SGTA: variants seen among roughly 807,000 people sequenced by gnomAD.
SGTA encodes the protein small glutamine-rich tetratricopeptide repeat-containing protein alpha.
In SGTA, 22 loss-of-function variants were observed where a neutral mutation model predicts 44.3. The observed-to-expected ratio is 0.50, with a 90% CI of 0.36 to 0.71. The LOEUF is 0.71. Among genes scored for constraint, SGTA ranks in the 30% least tolerant of loss-of-function variants. SGTA has a pLI of 0.00. For synonymous variants in SGTA, 174 were observed against 177.6 expected (o/e 0.98, Z 0.16); for missense variants, 341 against 435.9 (o/e 0.78, Z 1.94).
intron 1 of SGTA, among the ~76,000 whole-genome samples, 200 bp from the exon 2 acceptor site, chr19:2,769,291 A>G (rs1471245339): frequency 2.6e-5 from 4 of 152,192 alleles, no homozygotes; most frequent in Non-Finnish European, 4.4e-5. Context: ...CCGGCTATGC[A>G]CACAGCCAGA....
chr19:2,757,457 C>T lies in SGTA; in HGVS notation c.828G>A (p.Ala276=). The T allele has an allele frequency of 6.2e-7, 1 of 1,607,388 alleles. No individual in the cohort carries two copies. The highest frequency in any genetic ancestry group is 8.5e-7 in the Non-Finnish European group (1 of 1,179,848). Reference sequence around the variant, plus strand: ...GCATCTGCTGGGCAAACTGCTGGCCCCTGCGGGGAAGGGCACATGGGGCTC... The same window carrying T: ...GCATCTGCTGGGCAAACTGCTGGCCTCTGCGGGGAAGGGCACATGGGGCTC... ...SQNDLASLIQ[A]GQQFAQQMQQ... The change falls in exon 11 of 12, where the codon GCG becomes GCA. Residue 276 remains alanine (A), a splice_region_variant and synonymous_variant. Coordinates refer to ENST00000221566, the MANE Select transcript of SGTA (RefSeq NM_003021.4).
At chr19:2,757,883 A>C in intron 9 of SGTA, 101 bp from the exon 10 acceptor site, 1 of 743,714 alleles carries the variant, frequency 1.3e-6, no homozygotes, top group Non-Finnish European at 2.1e-6. Context: ...TCAGCCCTTC[A>C]CCTTCCCCTG....
chr19:2,761,389 G>C lies in SGTA; in HGVS notation c.699+71C>G. On this transcript the variant is annotated intron_variant, in intron 8 of 11. Transcript: ENST00000221566. This position sits in a 1 kb window ranked among gnomAD's most constrained non-coding sequence, Gnocchi z 5.7. The stretch of plus-strand genomic sequence containing the variant: ...CAAGGCAAGGAAGCCCTGGCCAGTA[G>C]CGGACACAGCAGATGCGGGCCTGGG... 1 of 1,341,882 alleles carries C rather than the reference G, an allele frequency of 7.5e-7. No homozygotes were observed. Among genetic ancestry groups the C allele is most frequent in the Admixed American group, 2.0e-5 (1 of 50,702 alleles). The allele number at this position is 1,341,882 out of a possible 1,614,324, so 83.1% of individuals were successfully genotyped here. A position where few individuals can be genotyped will look rare whatever the true frequency, so the allele number is the denominator to read the frequency against.
chr19:2,761,558 G>A lies in SGTA; in HGVS notation c.637-36C>T. 4.0e-6 allele frequency: 6 copies of A among 1,517,828 alleles called. No individual in the cohort carries two copies. Among genetic ancestry groups the A allele is most frequent in the Non-Finnish European group, 5.4e-6 (6 of 1,116,680 alleles). 94.0% of individuals were successfully genotyped at this position (1,517,828 alleles called of 1,614,324 possible). Reference sequence around the variant, plus strand: ...GAACAGCCCTGGTTAGTGGGGCCTGGACCAGAGGCCACGGTGAATAACCCC... The same window carrying A: ...GAACAGCCCTGGTTAGTGGGGCCTGAACCAGAGGCCACGGTGAATAACCCC... On this transcript the variant is annotated intron_variant, in intron 7 of 11. Coordinates refer to ENST00000221566, the MANE Select transcript of SGTA (RefSeq NM_003021.4). This position sits in a 1 kb window ranked among gnomAD's most constrained non-coding sequence, Gnocchi z 5.7.
At chr19:2,766,623 C>T (rs868446142) in intron 4 of SGTA, among the ~76,000 whole-genome samples, 10 of 152,042 alleles carry the variant, frequency 6.6e-5, no homozygotes, top group South Asian at 4.2e-4. Flanking sequence ...TTAGTAGAGA[C>T]GGGGTTTCAC....
chr19:2,756,568 G>A (rs942024681), intron 11 of SGTA, among the ~76,000 whole-genome samples: 1 of 152,082 alleles, frequency 6.6e-6, no homozygotes, highest in Non-Finnish European at 1.5e-5. Flanking sequence ...ATGAGGAGGG[G>A]ACAACGACAA....
intron 5 of SGTA, among the ~76,000 whole-genome samples, chr19:2,764,806 TC>T (rs560554883): frequency 1.3e-5 from 2 of 151,206 alleles, no homozygotes; most frequent in Non-Finnish European, 2.9e-5. Flanking sequence ...CCTCAAGTGA[TC>T]CCCCCCGCCT....
In SGTA at chr19:2,763,865, C is replaced by G; in HGVS notation, c.393-108G>C. ...GTTCCTCTCCAACTTCCTGGAGGAA[C>G]GGCCTCAGTTTTCCCCATCTGTAAA... On this transcript the variant is annotated intron_variant, in intron 5 of 11. Coordinates refer to ENST00000221566, the MANE Select transcript of SGTA (RefSeq NM_003021.4). This position sits in a 1 kb window ranked among gnomAD's most constrained non-coding sequence, Gnocchi z 5.8. 1.3e-6 allele frequency: 1 copy of G among 797,100 alleles called. No individual in the cohort carries two copies. Among genetic ancestry groups the G allele is most frequent in the South Asian group, 1.7e-5 (1 of 58,070 alleles). 49.4% of individuals were successfully genotyped at this position (797,100 alleles called of 1,614,324 possible).
intron 11 of SGTA, among the ~76,000 whole-genome samples, chr19:2,756,847 T>C (rs1914832731): frequency 6.6e-6 from 1 of 152,056 alleles, no homozygotes; most frequent in Non-Finnish European, 1.5e-5. Context: ...CTGCTCACAG[T>C]GAGAAAAGGA....
chr19:2,770,203 T>G (rs952798619), intron 1 of SGTA: 132 of 166,776 alleles, frequency 7.9e-4, no homozygotes, highest in Admixed American at 5.9e-4. Flanking sequence ...ACTTGACAGC[T>G]GCTTCTGCTC....
chr19:2,779,870 T>C (rs1424952280), intron 1 of SGTA, among the ~76,000 whole-genome samples: 1 of 152,010 alleles, frequency 6.6e-6, no homozygotes, highest in Admixed American at 6.6e-5. Flanking sequence ...TCCAGGTGTT[T>C]AAGACCAGCT....
Position 2,764,557 on chromosome 19 carries a change from C to T in SGTA, c.392+629G>A, listed in dbSNP as rs186132127. Among the ~76,000 whole-genome samples the T allele has an allele frequency of 2.3e-4, 35 of 152,048 alleles. No individual in the cohort carries two copies. In the South Asian group the frequency reaches 3.9e-3, roughly 17 times the overall value. ...GGACTACAGGCACCCACCACCACAT[C>T]CAGCTAATTTTTGTGGTTTTTTTCG... On this transcript the variant is annotated intron_variant, in intron 5 of 11. Coordinates refer to ENST00000221566, the MANE Select transcript of SGTA (RefSeq NM_003021.4).
intron 9 of SGTA, 23 bp downstream of exon 9, chr19:2,759,234 G>T: frequency 6.2e-7 from 1 of 1,612,132 alleles, no homozygotes; most frequent in East Asian, 2.2e-5. Flanking sequence ...AACAAGACCC[G>T]AAGAAACCCG....
intron 6 of SGTA, 95 bp from the exon 7 acceptor site, chr19:2,762,739 A>G: frequency 6.8e-7 from 1 of 1,472,054 alleles, no homozygotes; most frequent in Non-Finnish European, 9.3e-7. Flanking sequence ...GCAACCCCCA[A>G]ACCACCTCGG....
At chr19:2,770,354 G>A (rs1915271900) in intron 1 of SGTA, 1 of 152,310 alleles carries the variant, frequency 6.6e-6, no homozygotes, top group Non-Finnish European at 1.5e-5. Flanking sequence ...CAGGTTTCCT[G>A]GGTGCCTGGG....
At chr19:2,775,812 A>ACGGTGTGGGGATCACAG (rs1252412663) in intron 1 of SGTA, among the ~76,000 whole-genome samples, 2 of 152,324 alleles carry the variant, frequency 1.3e-5, no homozygotes, top group Admixed American at 6.5e-5. Flanking sequence ...ACTGAATTTC[A>ACGGTGTGGGGATCACAG]CGGTGTGGGG....
At chr19:2,764,536 T>A (rs1216492758) in intron 5 of SGTA, among the ~76,000 whole-genome samples, 2 of 152,196 alleles carry the variant, frequency 1.3e-5, no homozygotes, top group East Asian at 3.8e-4. Flanking sequence ...TAGCTGGGAC[T>A]ACAGGCACCC....
In SGTA at chr19:2,761,158, G is replaced by A. The variant is rs1286702151; in HGVS notation, c.699+302C>T. ...TGGGGTGGGGGTGTGACCTCCCTGG[G>A]CTCAGCCAGGAGAGCCAGCTTTTGG... On this transcript the variant is annotated intron_variant, in intron 8 of 11. Coordinates refer to ENST00000221566, the MANE Select transcript of SGTA (RefSeq NM_003021.4). This position sits in a 1 kb window ranked among gnomAD's most constrained non-coding sequence, Gnocchi z 5.7. Among the ~76,000 whole-genome samples the A allele has an allele frequency of 6.6e-6, 1 of 152,192 alleles. No individual in the cohort carries two copies. Among genetic ancestry groups the A allele is most frequent in the African/African-American group, 2.4e-5 (1 of 41,448 alleles).
rs376631698 is a variant in SGTA, at chr19:2,763,793, C to T, written c.393-36G>A. The T allele has an allele frequency of 1.7e-5, 26 of 1,571,284 alleles. No homozygotes were observed. The highest frequency in any genetic ancestry group is 1.8e-4 in the Middle Eastern group (1 of 5,522). ...AAAGGCAGGGCAGGTCCCTCACTGG[C>T]GGCTCTGAGCCCAGCGGGCAGCCCT... On this transcript the variant is annotated intron_variant, in intron 5 of 11. Coordinates refer to ENST00000221566, the MANE Select transcript of SGTA (RefSeq NM_003021.4). The surrounding 1 kb of genome is among the most constrained non-coding windows in gnomAD (Gnocchi z 5.8).
Sources: allele counts gnomAD v4.1 joint callset (sites outside exome capture counted in the v4.1 genomes callset), GRCh38; gene constraint gnomAD v4.1.1; non-coding constraint Gnocchi (gnomAD v3.1); transcripts MANE v1.5; gene names NCBI Gene and HGNC (gene_info 2026-07-23, HGNC 2026-07-21).